The following SCAPER variants were observed in gnomAD, a reference collection of about 807,000 sequenced individuals.
SCAPER encodes the protein S phase cyclin A-associated protein in the endoplasmic reticulum.
A neutral mutation model predicts 182.2 loss-of-function variants in SCAPER; 98 were observed. The observed-to-expected ratio is 0.54, with a 90% CI of 0.46 to 0.64. The LOEUF is 0.64. Ranked by LOEUF, SCAPER falls within the 30% of genes least tolerant of loss-of-function variation. The probability of loss-of-function intolerance (pLI) is 0.00; values close to 1 mark genes in which losing one functional copy is unlikely to be tolerated. For missense variants in SCAPER, 1,432 were observed against 1,690.0 expected (o/e 0.85, Z 2.68); for synonymous variants, 605 against 564.6 (o/e 1.07, Z -1.01).
intron 24 of SCAPER, among the ~76,000 whole-genome samples, chr15:76,488,714 C>CTGTTTTTTTTTTTT (rs2051924187): frequency 1.1e-5 from 1 of 93,144 alleles, no homozygotes; most frequent in African/African-American, 4.8e-5. Flanking sequence ...AGTACACTGC[C>CTGTTTTTTTTTTTT]TTTTTTTTTT....
At chr15:76,556,020 C>T (rs2046168165) in intron 23 of SCAPER, among the ~76,000 whole-genome samples, 1 of 152,156 alleles carries the variant, frequency 6.6e-6, no homozygotes, top group African/African-American at 2.4e-5. Flanking sequence ...ATCCCAAAAT[C>T]ATACTGACCA....
chr15:76,618,765 G>A (rs2051732318), intron 22 of SCAPER, among the ~76,000 whole-genome samples: 1 of 152,134 alleles, frequency 6.6e-6, no homozygotes. Context: ...ATTATATAAT[G>A]AGCACATGAA....
chr15:76,710,167 A>T (rs1441064995), intron 17 of SCAPER, among the ~76,000 whole-genome samples: 11 of 152,218 alleles, frequency 7.2e-5, no homozygotes, highest in Admixed American at 7.2e-4. Flanking sequence ...CCAGTGCAAG[A>T]GGGCAAAAAG....
rs199660951 is a variant in SCAPER at position 76,594,038 on chromosome 15, G to A, written c.2712-19754C>T. On this transcript the variant is annotated intron_variant, in intron 22 of 31. Coordinates refer to ENST00000563290, the MANE Select transcript of SCAPER (RefSeq NM_020843.4). ...AATAACAAACTCCTCTGAGCTAAAG[G>A]AGCATGATATAACCGAATGCAAGGA... 3.3e-5 allele frequency among the ~76,000 whole-genome samples: 4 copies of A among 119,924 alleles called. 1 individual carries two copies. The highest frequency in any genetic ancestry group is 1.9e-4 in the Admixed American group (2 of 10,386). 78.7% of individuals were successfully genotyped at this position (119,924 alleles called of 152,430 possible).
At chr15:76,728,520 C>T in intron 17 of SCAPER, 75 bp downstream of exon 17, 4 of 1,585,772 alleles carry the variant, frequency 2.5e-6, no homozygotes, top group South Asian at 1.1e-5. Flanking sequence ...CTCTACATGA[C>T]AGTAAATGGC....
intron 27 of SCAPER, among the ~76,000 whole-genome samples, chr15:76,390,368 A>G (rs1168941920): frequency 1.3e-5 from 2 of 152,246 alleles, no homozygotes; most frequent in African/African-American, 2.4e-5. Flanking sequence ...CTGAAGAAAG[A>G]GCAAGACCAG....
chr15:76,702,824 A>C (rs2059032108), intron 19 of SCAPER, 26 bp downstream of exon 19: 3 of 1,579,076 alleles, frequency 1.9e-6, no homozygotes, highest in Non-Finnish European at 2.6e-6. Flanking sequence ...AAACTATATC[A>C]TTACAATATT....
intron 24 of SCAPER, among the ~76,000 whole-genome samples, chr15:76,485,020 C>G (rs1596947418): frequency 1.3e-5 from 2 of 152,294 alleles, no homozygotes; most frequent in Non-Finnish European, 2.9e-5. Context: ...TTTCACCACT[C>G]CTATTCAACA....
chr15:76,375,666 G>A (rs2141887900), intron 29 of SCAPER, among the ~76,000 whole-genome samples: 1 of 152,206 alleles, frequency 6.6e-6, no homozygotes, highest in East Asian at 1.9e-4. Context: ...GAGGCCCTAG[G>A]GCTAATCTAG....
At position 76,491,697 on chromosome 15, in the gene SCAPER, C is replaced by T. The variant is rs112346164; in HGVS notation, c.2954+13162G>A. Among the ~76,000 whole-genome samples, 681 of 152,110 alleles carry T rather than the reference C, an allele frequency of 4.5e-3. 7 individuals are homozygous for T. The highest frequency in any genetic ancestry group is 0.016 in the African/African-American group (646 of 41,484). On this transcript the variant is annotated intron_variant, in intron 24 of 31. Coordinates refer to ENST00000563290, the MANE Select transcript of SCAPER (RefSeq NM_020843.4). ...CCCAGGCTGGAGTGCAGTGGTGTGA[C>T]CTAAGCTCACTGCAACCCCCGCCTC...
At chr15:76,865,371 T>C (rs993523283) in intron 2 of SCAPER, among the ~76,000 whole-genome samples, 2 of 152,084 alleles carry the variant, frequency 1.3e-5, no homozygotes, top group Admixed American at 1.3e-4. Context: ...AAGTAATAAT[T>C]TATAATAAAC....
At chr15:76,731,863 T>G (rs1023949671) in intron 16 of SCAPER, among the ~76,000 whole-genome samples, 11 of 152,234 alleles carry the variant, frequency 7.2e-5, no homozygotes, top group Non-Finnish European at 1.5e-4. Flanking sequence ...CCTTTAAGTT[T>G]TAATGAATGT....
intron 21 of SCAPER, among the ~76,000 whole-genome samples, chr15:76,657,953 A>G (rs1372545824): frequency 6.6e-6 from 1 of 152,208 alleles, no homozygotes; most frequent in Non-Finnish European, 1.5e-5. Context: ...ACACACAGCC[A>G]ATATCATACT....
intron 29 of SCAPER, among the ~76,000 whole-genome samples, chr15:76,375,712 A>G (rs894713870): frequency 6.6e-6 from 1 of 152,156 alleles, no homozygotes; most frequent in African/African-American, 2.4e-5. Flanking sequence ...GCCAGGTGTG[A>G]TGGCTTATGC....
At chr15:76,816,217 A>G (rs1344367857) in intron 5 of SCAPER, among the ~76,000 whole-genome samples, 1 of 152,232 alleles carries the variant, frequency 6.6e-6, no homozygotes, top group Non-Finnish European at 1.5e-5. Flanking sequence ...TTAGCTTACT[A>G]CAATCTTTTT....
At chr15:76,787,129 A>G (rs1375245173) in intron 8 of SCAPER, among the ~76,000 whole-genome samples, 2 of 152,202 alleles carry the variant, frequency 1.3e-5, no homozygotes, top group South Asian at 2.1e-4. Flanking sequence ...TTTGATGTAA[A>G]TAAGTTCATT....
chr15:76,899,019 T>A (rs2074593588), intron 1 of SCAPER, among the ~76,000 whole-genome samples: 3 of 152,256 alleles, frequency 2.0e-5, no homozygotes, highest in Admixed American at 6.5e-5. Context: ...TCATGATATT[T>A]GCCATAACTA....
At chr15:76,674,707 C>T (rs1392675525) in intron 20 of SCAPER, among the ~76,000 whole-genome samples, 3 of 152,112 alleles carry the variant, frequency 2.0e-5, no homozygotes, top group Non-Finnish European at 4.4e-5. Context: ...ACTCTGCTTA[C>T]CTCAGAACTG....
At chr15:76,835,763 G>A (rs374035454) in intron 5 of SCAPER, among the ~76,000 whole-genome samples, 10 of 152,126 alleles carry the variant, frequency 6.6e-5, no homozygotes, top group Middle Eastern at 3.4e-3. Context: ...TGTCTCTGCA[G>A]ACAATATGAT....
Sources: allele counts gnomAD v4.1 joint callset (sites outside exome capture counted in the v4.1 genomes callset), GRCh38; gene constraint gnomAD v4.1.1; transcripts MANE v1.5; gene names NCBI Gene and HGNC (gene_info 2026-07-23, HGNC 2026-07-21).